The following FHIT variants were observed in gnomAD, a reference collection of about 807,000 sequenced individuals.
FHIT encodes fragile histidine triad diadenosine triphosphatase.
FHIT carries 19 observed loss-of-function variants against 17.9 expected under a neutral mutation model. The ratio of observed to expected loss-of-function variants is 1.06; its 90% CI spans 0.74 to 1.56. The LOEUF (loss-of-function observed/expected upper bound fraction) is 1.56, where lower values mean the gene tolerates loss of function less well. Ranked by LOEUF, FHIT falls within the 40% of genes most tolerant of loss-of-function variation. The pLI, the probability that FHIT is intolerant of heterozygous loss-of-function variation, is 0.00. For synonymous variants in FHIT, 81 were observed against 69.7 expected, an observed-to-expected ratio of 1.16 and a Z score of -0.81; for missense variants, 248 against 189.2, an observed-to-expected ratio of 1.31 and a Z score of -1.82.
chr3:60,230,381 T>C (rs1704433687), intron 5 of FHIT, among the ~76,000 whole-genome samples: 1 of 152,218 alleles, frequency 6.6e-6, no homozygotes, highest in Admixed American at 6.5e-5. Context: ...CTACTATAAA[T>C]GCTCACCTAA....
chr3:60,103,846 A>G (rs1704294143), intron 5 of FHIT, among the ~76,000 whole-genome samples: 1 of 152,194 alleles, frequency 6.6e-6, no homozygotes, highest in South Asian at 2.1e-4. Context: ...TTACTTGGAT[A>G]TTAAGTTCCA....
rs185173305 is a variant in FHIT, at chr3:60,972,113, A to C, written c.-111+69934T>G. On this transcript the variant is annotated intron_variant, in intron 3 of 9. Transcript: ENST00000492590. ...TTAGTTATAGGACTTACACTCCACTAAACATTACTTTGATTGTTTTAAACA... is the reference window on the plus strand; with the variant it reads ...TTAGTTATAGGACTTACACTCCACTCAACATTACTTTGATTGTTTTAAACA... Among the ~76,000 whole-genome samples the C allele has an allele frequency of 2.6e-5, 4 of 152,292 alleles. No individual in the cohort carries two copies. In the East Asian group the frequency reaches 5.8e-4, roughly 22 times the overall value.
chr3:59,863,211 T>C (rs1275741616), intron 8 of FHIT, among the ~76,000 whole-genome samples: 1 of 152,222 alleles, frequency 6.6e-6, no homozygotes, highest in Admixed American at 6.5e-5. Flanking sequence ...CCAGCCACTC[T>C]ACGATAAAGT....
At chr3:60,475,371 A>G (rs151015833) in intron 5 of FHIT, among the ~76,000 whole-genome samples, 157 of 152,326 alleles carry the variant, frequency 1.0e-3, no homozygotes, top group African/African-American at 3.6e-3. Flanking sequence ...TCAATCATTT[A>G]TTTAAGTGAT....
chr3:59,966,381 C>G (rs985616394), intron 7 of FHIT, among the ~76,000 whole-genome samples: 2 of 152,140 alleles, frequency 1.3e-5, no homozygotes, highest in Non-Finnish European at 2.9e-5. Flanking sequence ...GAATAAATAT[C>G]TCTTTATCAA....
intron 5 of FHIT, among the ~76,000 whole-genome samples, chr3:60,515,150 A>C (rs2035103600): frequency 1.3e-5 from 2 of 152,162 alleles, no homozygotes; most frequent in Admixed American, 6.5e-5. Context: ...GAGCTGCTAG[A>C]TAAACAAGCC....
At chr3:61,123,791 A>T (rs2036531079) in intron 2 of FHIT, among the ~76,000 whole-genome samples, 1 of 152,144 alleles carries the variant, frequency 6.6e-6, no homozygotes, top group South Asian at 2.1e-4. Flanking sequence ...TGGTGTAAAT[A>T]CATACTCTCA....
chr3:59,986,411 G>A (rs1469892780), intron 7 of FHIT, among the ~76,000 whole-genome samples: 1 of 148,000 alleles, frequency 6.8e-6, no homozygotes, highest in Non-Finnish European at 1.5e-5. Context: ...TTCTCAAACA[G>A]TTATTCCCTT....
At chr3:61,117,362 G>A (rs1196104507) in intron 2 of FHIT, among the ~76,000 whole-genome samples, 2 of 152,096 alleles carry the variant, frequency 1.3e-5, no homozygotes, top group African/African-American at 4.8e-5. Context: ...TTCCTGTCCT[G>A]AAATTCTTCC....
In FHIT at chr3:60,056,376, G is replaced by C. The variant is rs556570954; in HGVS notation, c.104-42224C>G. The stretch of plus-strand genomic sequence containing the variant: ...AGTAACCATTTAATATATTGGGGAG[G>C]GGGGAAGAATAAAATGCTCCTTTTG... On this transcript the variant is annotated intron_variant, in intron 5 of 9. Coordinates refer to ENST00000492590, the MANE Select transcript of FHIT (RefSeq NM_002012.4). Among the ~76,000 whole-genome samples, 27 of 152,280 alleles carry C rather than the reference G, an allele frequency of 1.8e-4. 1 individual carries two copies. The South Asian group carries it at 4.8e-3, about 27-fold the overall frequency.
intron 5 of FHIT, among the ~76,000 whole-genome samples, chr3:60,461,511 A>G (rs921949378): frequency 2.0e-5 from 3 of 152,224 alleles, no homozygotes; most frequent in African/African-American, 2.4e-5. Flanking sequence ...GAAAGGTGGC[A>G]GCTATAGAGT....
chr3:60,723,661 A>C (rs1406949806), intron 4 of FHIT, among the ~76,000 whole-genome samples: 1 of 152,222 alleles, frequency 6.6e-6, no homozygotes, highest in Non-Finnish European at 1.5e-5. Context: ...CAGACTGCAC[A>C]CCATGCACCT....
At chr3:60,634,453 C>G (rs1240498156) in intron 4 of FHIT, among the ~76,000 whole-genome samples, 1 of 152,200 alleles carries the variant, frequency 6.6e-6, no homozygotes, top group Non-Finnish European at 1.5e-5. Context: ...ATTTCTGAGG[C>G]ACATCAAAGG....
At chr3:61,136,704 T>A (rs1167939776) in intron 2 of FHIT, among the ~76,000 whole-genome samples, 1 of 152,026 alleles carries the variant, frequency 6.6e-6, no homozygotes, top group East Asian at 1.9e-4. Flanking sequence ...AAGGCAGGAG[T>A]GTCCAAGTCA....
At chr3:60,900,284 G>C (rs1232383027) in intron 3 of FHIT, among the ~76,000 whole-genome samples, 2 of 152,126 alleles carry the variant, frequency 1.3e-5, no homozygotes, top group Non-Finnish European at 2.9e-5. Context: ...TCAGTAGCCA[G>C]GTGTGGTGGC....
intron 7 of FHIT, among the ~76,000 whole-genome samples, chr3:59,985,352 A>C (rs551136137): frequency 1.3e-5 from 2 of 152,236 alleles, no homozygotes; most frequent in African/African-American, 4.8e-5. Flanking sequence ...AACTCCAGAC[A>C]TAGGGGGTTA....
intron 8 of FHIT, among the ~76,000 whole-genome samples, chr3:59,900,852 G>T (rs1326630152): frequency 6.6e-6 from 1 of 152,110 alleles, no homozygotes; most frequent in African/African-American, 2.4e-5. Context: ...GACCTCAAAG[G>T]ACCCACCTGC....
At chr3:60,436,928 G>A (rs1470288837) in intron 5 of FHIT, among the ~76,000 whole-genome samples, 3 of 152,042 alleles carry the variant, frequency 2.0e-5, no homozygotes, top group African/African-American at 4.8e-5. Flanking sequence ...TTCACAAAAT[G>A]TTTTGCTGTG....
intron 1 of FHIT, among the ~76,000 whole-genome samples, chr3:61,218,575 A>T (rs1160460354): frequency 6.6e-6 from 1 of 152,192 alleles, no homozygotes; most frequent in Non-Finnish European, 1.5e-5. Context: ...AAGGCCGAGT[A>T]TGTATCAAGG....
Sources: gnomAD v4.1 joint callset for allele counts (sites outside exome capture counted in the v4.1 genomes callset) on GRCh38, gnomAD v4.1.1 for gene constraint, MANE v1.5 for transcripts, NCBI Gene and HGNC (gene_info 2026-07-23, HGNC 2026-07-21) for gene names.